ACSM3: variants seen among roughly 807,000 people sequenced by gnomAD.
The protein encoded by ACSM3 is acyl-coenzyme A synthetase ACSM3, mitochondrial.
A neutral mutation model predicts 74.1 loss-of-function variants in ACSM3; 61 were observed. The observed-to-expected ratio is 0.82, with a 90% CI of 0.67 to 1.02. The LOEUF is 1.02. Among genes scored for constraint, ACSM3 ranks in the 50% least tolerant of loss-of-function variants. ACSM3 has a pLI of 0.00. For synonymous variants in ACSM3, 213 were observed against 241.5 expected, an observed-to-expected ratio of 0.88 and a Z score of 1.09; for missense variants, 660 against 697.0, an observed-to-expected ratio of 0.95 and a Z score of 0.60.
At chr16:20,756,663 C>A (rs908873057) in intron 3 of ACSM3, among the ~76,000 whole-genome samples, 38 of 152,144 alleles carry the variant, frequency 2.5e-4, no homozygotes, top group Non-Finnish European at 3.8e-4. Context: ...TCAATGTTGG[C>A]TTTTGTTGCC....
intron 1 of ACSM3, among the ~76,000 whole-genome samples, chr16:20,717,950 GGAAGAGGAAGAAGAA>G (rs1365210386): frequency 9.1e-4 from 54 of 59,030 alleles, no homozygotes; most frequent in African/African-American, 1.9e-3. Flanking sequence ...AAGAGGAAGA[GGAAGAGGAAGAAGAA>G]GAAGAAGAAG....
At chr16:20,692,118 A>G (rs1161726453) in intron 1 of ACSM3, among the ~76,000 whole-genome samples, 3 of 152,156 alleles carry the variant, frequency 2.0e-5, no homozygotes, top group Non-Finnish European at 4.4e-5. Flanking sequence ...AAAAATATAC[A>G]CCATCATCCT....
chr16:20,691,069 C>T, intron 1 of ACSM3: 2 of 1,613,836 alleles, frequency 1.2e-6, no homozygotes, highest in Non-Finnish European at 1.7e-6. Context: ...CATAGTCATT[C>T]CATCTTGGGG....
intron 5 of ACSM3, 38 bp from the exon 6 acceptor site, chr16:20,780,936 T>C (rs764296808): frequency 1.2e-6 from 2 of 1,612,382 alleles, no homozygotes; most frequent in Admixed American, 3.3e-5. Flanking sequence ...TTATATTTAT[T>C]TTCCTATGTA....
At chr16:20,739,127 ATAAG>A in intron 1 of ACSM3, 2 of 1,534,704 alleles carry the variant, frequency 1.3e-6, no homozygotes, top group Non-Finnish European at 8.9e-7. Context: ...TTTAAACACT[ATAAG>A]TAATTATTTA....
intron 13 of ACSM3, 124 bp from the exon 14 acceptor site, chr16:20,796,762 C>G: frequency 6.6e-7 from 1 of 1,525,778 alleles, no homozygotes; most frequent in East Asian, 2.4e-5. Flanking sequence ...GGCTGTTACC[C>G]AAAACCCATT....
At chr16:20,706,815 A>G (rs1007424402) in intron 1 of ACSM3, among the ~76,000 whole-genome samples, 4 of 152,138 alleles carry the variant, frequency 2.6e-5, no homozygotes, top group Non-Finnish European at 5.9e-5. Flanking sequence ...AGCCCATCTC[A>G]GCTGCAGTAA....
At chr16:20,742,813 A>ATATATATATATTTT (rs61582869) in intron 1 of ACSM3, among the ~76,000 whole-genome samples, 16 of 66,822 alleles carry the variant, frequency 2.4e-4, no homozygotes, top group East Asian at 6.9e-4. Flanking sequence ...ATATATATAT[A>ATATATATATATTTT]TTTTTTTTTT....
At chr16:20,774,594 T>A (rs1261603074) in intron 2 of ACSM3, among the ~76,000 whole-genome samples, 1 of 152,196 alleles carries the variant, frequency 6.6e-6, no homozygotes, top group Non-Finnish European at 1.5e-5. Flanking sequence ...CAGCCTATAG[T>A]TGGGTCTTGT....
At position 20,797,020 on chromosome 16, in the gene ACSM3, C is replaced by T; in HGVS notation, c.*48C>T. On this transcript the variant is annotated 3_prime_UTR_variant, in exon 14 of 14. Transcript: ENST00000289416. ...TCTATAAAACAAACATAGTATCTGT[C>T]AATCTCTAGAAACCACAAGATGATG... 6.3e-7 allele frequency: 1 copy of T among 1,592,642 alleles called. No homozygotes were observed. The highest frequency in any genetic ancestry group is 8.5e-7 in the Non-Finnish European group (1 of 1,172,472).
chr16:20,705,655 C>T (rs946652643), intron 1 of ACSM3, among the ~76,000 whole-genome samples: 1 of 152,064 alleles, frequency 6.6e-6, no homozygotes, highest in Non-Finnish European at 1.5e-5. Context: ...TCCAGAGTCT[C>T]TACAGTATAT....
chr16:20,727,742 C>T (rs2079811829), intron 1 of ACSM3, among the ~76,000 whole-genome samples: 1 of 152,198 alleles, frequency 6.6e-6, no homozygotes, highest in Admixed American at 6.5e-5. Flanking sequence ...CTGAGCAGCT[C>T]ATCTCTCCAA....
intron 1 of ACSM3, chr16:20,680,012 A>G (rs1483363560): frequency 1.3e-5 from 2 of 152,212 alleles, no homozygotes; most frequent in African/African-American, 4.8e-5. Context: ...AGAGAGGCTT[A>G]GCAGGAGCAG....
At position 20,790,630 on chromosome 16, in the gene ACSM3, G is replaced by A. The variant is rs1466893914; in HGVS notation, c.1268G>A (p.Gly423Glu). 1 of 1,614,150 alleles carries A rather than the reference G, an allele frequency of 6.2e-7. No homozygotes were observed. The highest frequency in any genetic ancestry group is 1.7e-5 in the Admixed American group (1 of 60,016). Residue 423 changes from glycine (G) to glutamate (E), a missense_variant, in exon 10 of 14, where the codon GGA becomes GAA. Gly to Glu is a moderately conservative substitution (Grantham distance 98). Transcript: ENST00000289416. The surrounding 1 kb of genome is among the most constrained non-coding windows in gnomAD (Gnocchi z 4.0). Reference protein sequence around the residue: ...NGNVLPPGQEGDIGIQVLPNR... With the variant: ...NGNVLPPGQEEDIGIQVLPNR... ...AATGTTCTACCTCCTGGACAAGAAG[G>A]AGATATTGGCATTCAAGTTCTACCC...
In ACSM3 at chr16:20,777,556, G is replaced by C. The variant is rs1275150085; in HGVS notation, c.614G>C (p.Trp205Ser). 3 of 1,613,862 alleles carry C rather than the reference G, an allele frequency of 1.9e-6. No individual in the cohort carries two copies. Among genetic ancestry groups the C allele is most frequent in the Admixed American group, 3.3e-5 (2 of 59,986 alleles). Residue 205 changes from tryptophan (W) to serine (S), a missense_variant, in exon 4 of 14, where the codon TGG (tryptophan) becomes TCG (serine). Coordinates refer to ENST00000289416, the MANE Select transcript of ACSM3 (RefSeq NM_005622.4). Reference sequence around the variant, plus strand: ...GTATCAGAGAACTCCAGAGAGGGGTGGGGGAACCTCAAGGAGTTGATGAAG... The same window carrying C: ...GTATCAGAGAACTCCAGAGAGGGGTCGGGGAACCTCAAGGAGTTGATGAAG... Reference protein sequence around the residue: ...LIVSENSREGWGNLKELMKHA... With the variant: ...LIVSENSREGSGNLKELMKHA...
At chr16:20,738,272 G>GT (rs1243805530) in intron 1 of ACSM3, 1 of 459,414 alleles carries the variant, frequency 2.2e-6, no homozygotes, top group African/African-American at 2.1e-5. Context: ...TTGTTTTCCT[G>GT]TAACAACAGA....
At chr16:20,741,482 C>CT in intron 1 of ACSM3, 3 of 160,348 alleles carry the variant, frequency 1.9e-5, no homozygotes, top group Non-Finnish European at 2.6e-5. Flanking sequence ...TGGCAGCCGG[C>CT]CCGCCCGCCC....
intron 1 of ACSM3, chr16:20,722,029 T>C (rs1335791222): frequency 6.6e-6 from 1 of 152,230 alleles, no homozygotes; most frequent in East Asian, 1.9e-4. Context: ...ATAAATATTG[T>C]AGAAAAGTAG....
chr16:20,768,502 T>TCA (rs907090523), intron 1 of ACSM3, among the ~76,000 whole-genome samples: 3 of 152,214 alleles, frequency 2.0e-5, no homozygotes, highest in Admixed American at 1.3e-4. Flanking sequence ...GGTTCACAAA[T>TCA]CACAGCCTCT....
Sources: allele counts gnomAD v4.1 joint callset (sites outside exome capture counted in the v4.1 genomes callset), GRCh38; gene constraint gnomAD v4.1.1; non-coding constraint Gnocchi (gnomAD v3.1); transcripts MANE v1.5; gene names NCBI Gene and HGNC (gene_info 2026-07-23, HGNC 2026-07-21).